The following PHF24 variants were observed in gnomAD, a reference collection of about 807,000 sequenced individuals.
PHF24 encodes the protein PHD finger protein 24.
PHF24 carries 25 observed loss-of-function variants against 42.6 expected under a neutral mutation model. The observed-to-expected ratio is 0.59, with a 90% CI of 0.43 to 0.82. The LOEUF (loss-of-function observed/expected upper bound fraction) is 0.82, where lower values mean the gene tolerates loss of function less well. Ranked by LOEUF, PHF24 falls within the 40% of genes least tolerant of loss-of-function variation. The probability of loss-of-function intolerance (pLI) is 0.00; values close to 1 mark genes in which losing one functional copy is unlikely to be tolerated. For missense variants in PHF24, 470 were observed against 538.1 expected, an observed-to-expected ratio of 0.87 and a Z score of 1.25; for synonymous variants, 185 against 204.8, an observed-to-expected ratio of 0.90 and a Z score of 0.83.
the PHF24 span, chr9:34,680,856 C>A: frequency 0.75 from 113,769 of 152,042 alleles, 42,767 homozygotes; most frequent in East Asian, 0.86. Flanking sequence ...TCTGTTCTTT[C>A]ACTGACTCCT....
chr9:34,796,431 A>C, the PHF24 span, among the ~76,000 whole-genome samples: 15 of 152,050 alleles, frequency 9.9e-5, no homozygotes, highest in African/African-American at 2.7e-4. Flanking sequence ...TTAAAAAAAA[A>C]CAAGATATTG....
At chr9:34,692,947 C>T in the PHF24 span, among the ~76,000 whole-genome samples, 9 of 152,068 alleles carry the variant, frequency 5.9e-5, no homozygotes, top group South Asian at 4.2e-4. Flanking sequence ...CCATCATGCC[C>T]GGCTAAATTT....
chr9:34,692,944 G>A, the PHF24 span, among the ~76,000 whole-genome samples: 1 of 151,928 alleles, frequency 6.6e-6, no homozygotes, highest in African/African-American at 2.4e-5. Flanking sequence ...CCACCATCAT[G>A]CCCGGCTAAA....
chr9:34,842,539 G>A, the PHF24 span, among the ~76,000 whole-genome samples: 4 of 152,124 alleles, frequency 2.6e-5, no homozygotes, highest in African/African-American at 9.7e-5. Context: ...TAAATAAGAT[G>A]TGAAGGAGCT....
the PHF24 span, among the ~76,000 whole-genome samples, chr9:34,936,881 C>A: frequency 6.6e-6 from 1 of 151,892 alleles, no homozygotes; most frequent in East Asian, 2.0e-4. Flanking sequence ...GGCAGCCGCC[C>A]CGTCTGAGAA....
chr9:34,877,608 A>G, the PHF24 span, among the ~76,000 whole-genome samples: 1 of 152,186 alleles, frequency 6.6e-6, no homozygotes, highest in African/African-American at 2.4e-5. Context: ...TCTACACTTA[A>G]AAATGGCTAA....
chr9:34,823,202 C>CAAAA, the PHF24 span, among the ~76,000 whole-genome samples: 4 of 58,642 alleles, frequency 6.8e-5, no homozygotes, highest in Non-Finnish European at 1.2e-4. Context: ...GACTCCGTCT[C>CAAAA]AAAAAAAAAA....
At chr9:34,726,605 T>G in the PHF24 span, 251 of 1,551,746 alleles carry the variant, frequency 1.6e-4, 1 homozygote, top group Admixed American at 2.9e-4. Context: ...CCGGAGCACA[T>G]CTGGCACTTG....
the PHF24 span, among the ~76,000 whole-genome samples, chr9:34,852,356 C>T: frequency 6.6e-6 from 1 of 152,144 alleles, no homozygotes; most frequent in Non-Finnish European, 1.5e-5. Flanking sequence ...AGTGCCCCAG[C>T]CCCTACATTG....
At chr9:34,710,454 A>G in the PHF24 span, among the ~76,000 whole-genome samples, 3 of 146,466 alleles carry the variant, frequency 2.0e-5, no homozygotes, top group East Asian at 4.1e-4. Context: ...TGATTATTAA[A>G]TTGTAAGAGT....
chr9:34,847,362 G>A, the PHF24 span, among the ~76,000 whole-genome samples: 3 of 152,202 alleles, frequency 2.0e-5, no homozygotes, highest in African/African-American at 2.4e-5. Context: ...CTTTGAAGCA[G>A]TTGTGAACAG....
chr9:34,882,121 A>T, the PHF24 span, among the ~76,000 whole-genome samples: 1 of 152,368 alleles, frequency 6.6e-6, no homozygotes, highest in South Asian at 2.1e-4. Flanking sequence ...CCACATGATT[A>T]TCTCAATAGA....
chr9:34,838,150 A>G, the PHF24 span, among the ~76,000 whole-genome samples: 236 of 152,346 alleles, frequency 1.5e-3, 1 homozygote, highest in African/African-American at 5.6e-3. Context: ...TGGCTTTTCA[A>G]TTAGAGTATG....
At chr9:34,959,077 G>A (rs1382826051) in intron 1 of PHF24, among the ~76,000 whole-genome samples, 1 of 152,182 alleles carries the variant, frequency 6.6e-6, no homozygotes, top group African/African-American at 2.4e-5. Flanking sequence ...TGGTAGCCCA[G>A]TTGCTCCACG....
the PHF24 span, among the ~76,000 whole-genome samples, chr9:34,877,543 A>AATAG: frequency 6.6e-6 from 1 of 152,152 alleles, no homozygotes; most frequent in African/African-American, 2.4e-5. Context: ...AAGCGTTTGA[A>AATAG]ATAGATAGTG....
the PHF24 span, among the ~76,000 whole-genome samples, chr9:34,846,215 A>G: frequency 6.6e-6 from 1 of 152,192 alleles, no homozygotes; most frequent in African/African-American, 2.4e-5. Context: ...CAATCCCACA[A>G]ACAGTGTAAA....
At chr9:34,842,382 T>C in the PHF24 span, among the ~76,000 whole-genome samples, 1 of 152,178 alleles carries the variant, frequency 6.6e-6, no homozygotes, top group Non-Finnish European at 1.5e-5. Context: ...ATATGATAGT[T>C]GTATGCTAGG....
chr9:34,711,542 CTTTTTTT>C, the PHF24 span, among the ~76,000 whole-genome samples: 1 of 130,760 alleles, frequency 7.6e-6, no homozygotes, highest in Non-Finnish European at 1.7e-5. Context: ...AATGTTGTTA[CTTTTTTT>C]TTTTTTTTTT....
At chr9:34,904,118 T>C in the PHF24 span, among the ~76,000 whole-genome samples, 2 of 152,182 alleles carry the variant, frequency 1.3e-5, no homozygotes, top group South Asian at 4.1e-4. Context: ...ACGATTATAT[T>C]GTCAGCAAAC....
Sources: gnomAD v4.1 joint callset for allele counts (sites outside exome capture counted in the v4.1 genomes callset) on GRCh38, gnomAD v4.1.1 for gene constraint, MANE v1.5 for transcripts, NCBI Gene and HGNC (gene_info 2026-07-23, HGNC 2026-07-21) for gene names.